Variants in HABP2 observed in about 807,000 individuals in gnomAD.
HABP2 encodes hyaluronan binding protein 2.
Under a neutral mutation model 66.5 loss-of-function variants are expected in HABP2, and 65 were observed. The observed-to-expected ratio is 0.98, with a 90% confidence interval of 0.80 to 1.20. The LOEUF is 1.20. HABP2 is among the 50% of genes most tolerant of loss of function. The pLI is 0.00. For synonymous variants in HABP2, 263 were observed against 253.9 expected (o/e 1.04, Z -0.34); for missense variants, 786 against 691.0 (o/e 1.14, Z -1.54).
chr10:113,552,513 T>C (rs1368554967), upstream of HABP2, among the ~76,000 whole-genome samples: 1 of 152,196 alleles, frequency 6.6e-6, no homozygotes, highest in Non-Finnish European at 1.5e-5. Context: ...GTAAAAGTCT[T>C]ACCTAATGAG....
In HABP2 at chr10:113,580,637, T is replaced by A. The variant is rs1845508415; in HGVS notation, c.783T>A (p.Val261=). The change falls in exon 8 of 13, where the codon GTT becomes GTA. Residue 261 remains valine, a synonymous_variant. Coordinates refer to ENST00000351270, the MANE Select transcript of HABP2 (RefSeq NM_004132.5). ...AAAAGCCCTGGTGCTTTATTAAAGT[T>A]ACCAATGACAAGGTGAAATGGGAAT... ...ADEKPWCFIK[V]TNDKVKWEYC... The A allele has an allele frequency of 1.2e-6, 2 of 1,604,756 alleles. No individual in the cohort carries two copies. The highest frequency in any genetic ancestry group is 8.5e-7 in the Non-Finnish European group (1 of 1,171,652).
chr10:113,582,085 G>A lies in HABP2; in HGVS notation c.1048G>A (p.Ala350Thr), dbSNP rs372640275. The A allele has an allele frequency of 6.2e-5, 100 of 1,611,870 alleles. No individual in the cohort carries two copies. The highest frequency in any genetic ancestry group is 7.8e-5 in the Non-Finnish European group (92 of 1,179,838). ...GCCCCAGGGCCACTTCTGTGGTGGG[G>A]CGCTGATCCACCCCTGCTGGGTGCT... ...SMPQGHFCGGALIHPCWVLTA... is the reference protein window; with the variant it reads ...SMPQGHFCGGTLIHPCWVLTA... The change falls in exon 9 of 13, where the codon GCG (alanine) becomes ACG (threonine). Residue 350 changes from alanine (A) to threonine (T), a missense_variant. By Grantham distance (58) the Ala-to-Thr change is moderately conservative (BLOSUM62 0). Coordinates refer to ENST00000351270, the MANE Select transcript of HABP2 (RefSeq NM_004132.5).
At position 113,585,816 on chromosome 10, in the gene HABP2, G is replaced by C; in HGVS notation, c.1396G>C (p.Asp466His). 1 of 1,613,844 alleles carries C rather than the reference G, an allele frequency of 6.2e-7. No homozygotes were observed. The change falls in exon 12 of 13, where the codon GAT becomes CAT. Residue 466 changes from aspartate (D) to histidine (H), a missense_variant. Physicochemically the swap from Asp to His is moderately conservative, Grantham distance 81. Coordinates refer to ENST00000351270, the MANE Select transcript of HABP2 (RefSeq NM_004132.5). ...ETGKGSRQLL[D>H]AKVKLIANTL... ...AGGAAAAGGGTCCCGCCAGCTCCTG[G>C]ATGCCAAAGTCAAGCTGATTGCCAA... is the stretch of plus-strand genomic sequence containing the variant.
At chr10:113,551,634 C>T (rs1174704031), upstream of HABP2, among the ~76,000 whole-genome samples, 3 of 152,126 alleles carry the variant, frequency 2.0e-5, no homozygotes, top group South Asian at 2.1e-4. Context: ...GGCGAAATGC[C>T]GTCTCTACTA....
At chr10:113,568,412 A>G (rs761856896) in intron 2 of HABP2, among the ~76,000 whole-genome samples, 18 of 152,222 alleles carry the variant, frequency 1.2e-4, no homozygotes, top group African/African-American at 4.3e-4. Context: ...ACTGGGCCAA[A>G]GTCAGTTTGA....
In HABP2 at chr10:113,585,886, A is replaced by G. The variant is rs751519802; in HGVS notation, c.1466A>G (p.Asp489Gly). The change falls in exon 12 of 13, where the codon GAC (aspartate) becomes GGC (glycine). Residue 489 changes from aspartate to glycine, a missense_variant. Physicochemically the swap from Asp to Gly is moderately conservative, Grantham distance 94. Coordinates refer to ENST00000351270, the MANE Select transcript of HABP2 (RefSeq NM_004132.5). ...CAACTCTATGACCACATGATTGATG[A>G]CAGTATGATCTGTGCAGGAAATCTT... is the stretch of plus-strand genomic sequence containing the variant. Reference protein sequence around the residue: ...SRQLYDHMIDDSMICAGNLQK... With the variant: ...SRQLYDHMIDGSMICAGNLQK... 1.5e-5 allele frequency: 25 copies of G among 1,613,730 alleles called. No individual in the cohort carries two copies. Among genetic ancestry groups the G allele is most frequent in the Middle Eastern group, 1.6e-4 (1 of 6,084 alleles).
intron 1 of HABP2, among the ~76,000 whole-genome samples, chr10:113,553,910 A>G (rs1446837561): frequency 6.6e-6 from 1 of 152,104 alleles, no homozygotes; most frequent in Non-Finnish European, 1.5e-5. Flanking sequence ...TGTCAGATGG[A>G]TCTCTGTGGG....
In HABP2 at chr10:113,573,992, T is replaced by A. The variant is rs1535427; in HGVS notation, c.107-297T>A. Among the ~76,000 whole-genome samples the A allele has an allele frequency of 0.67, 101,911 of 151,974 alleles. 35,369 individuals are homozygous for A. The highest frequency in any genetic ancestry group is 0.76 in the Non-Finnish European group (51,429 of 67,962). ...CAAGACTTGATAATACAGTTGGCTT[T>A]CCTAAGTTCAAGGGAGTAGAAAGCT... On this transcript the variant is annotated intron_variant, in intron 2 of 12. Coordinates refer to ENST00000351270, the MANE Select transcript of HABP2 (RefSeq NM_004132.5).
At chr10:113,554,539 G>A (rs1844956254) in intron 1 of HABP2, among the ~76,000 whole-genome samples, 1 of 152,148 alleles carries the variant, frequency 6.6e-6, no homozygotes, top group Admixed American at 6.5e-5. Context: ...TGTGTGTGGT[G>A]GTTGTAATTA....
In HABP2 at chr10:113,589,027, G is replaced by T; in HGVS notation, c.*658G>T. 6.2e-7 allele frequency: 1 copy of T among 1,613,990 alleles called. No homozygotes were observed. Among genetic ancestry groups the T allele is most frequent in the Non-Finnish European group, 8.5e-7 (1 of 1,179,988 alleles). On this transcript the variant is annotated 3_prime_UTR_variant, in exon 13 of 13. Transcript: ENST00000351270. The stretch of plus-strand genomic sequence containing the variant: ...GACGTGCAGAATCTCAGTGGCATCT[G>T]GGTTCACCTCCCCACTCTGATGATC...
At chr10:113,552,686 G>A (rs931205872), upstream of HABP2, among the ~76,000 whole-genome samples, 10 of 152,160 alleles carry the variant, frequency 6.6e-5, no homozygotes, top group Non-Finnish European at 4.4e-5. Flanking sequence ...TTCTGTTTGA[G>A]ATTTGATGAA....
chr10:113,557,687 C>T (rs1271774610), intron 1 of HABP2, among the ~76,000 whole-genome samples: 11 of 152,108 alleles, frequency 7.2e-5, no homozygotes, highest in African/African-American at 2.2e-4. Flanking sequence ...TCGGCTCTTC[C>T]GGCACTCTGA....
intron 3 of HABP2, among the ~76,000 whole-genome samples, chr10:113,575,062 A>G (rs1406287961): frequency 6.6e-6 from 1 of 152,194 alleles, no homozygotes; most frequent in Non-Finnish European, 1.5e-5. Context: ...AAGCAATGCC[A>G]TGTGACTAAA....
intron 2 of HABP2, among the ~76,000 whole-genome samples, chr10:113,574,000 T>C (rs1845360041): frequency 1.3e-5 from 2 of 152,170 alleles, no homozygotes; most frequent in African/African-American, 4.8e-5. Flanking sequence ...TTTCCTAAGT[T>C]CAAGGGAGTA....
chr10:113,559,134 C>T lies in HABP2; in HGVS notation c.69+5944C>T, dbSNP rs778103095. ...CCTCCCAAAGTGCTGGGATTACCGG[C>T]GTGAGCCACCGTGCCCAGCCTTCGC... is the stretch of plus-strand genomic sequence containing the variant. On this transcript the variant is annotated intron_variant, in intron 1 of 12. Coordinates refer to ENST00000351270, the MANE Select transcript of HABP2 (RefSeq NM_004132.5). Among the ~76,000 whole-genome samples, 62 of 152,208 alleles carry T rather than the reference C, an allele frequency of 4.1e-4. 1 individual carries two copies. Among genetic ancestry groups the T allele is most frequent in the Non-Finnish European group, 1.6e-4 (11 of 68,040 alleles).
In HABP2 at chr10:113,577,167, G is replaced by A; in HGVS notation, c.349G>A (p.Asp117Asn). Residue 117 changes from aspartate to asparagine, a missense_variant, in exon 5 of 13, where the codon GAC becomes AAC. By Grantham distance (23) the Asp-to-Asn change is conservative. Transcript: ENST00000351270. ...KCQKVQNTCK[D>N]NPCGRGQCLI... is the part of the protein sequence containing the mutation. ...TCCTACAGTGCAAAATACGTGCAAGGACAACCCATGTGGCCGGGGCCAATG... is the reference window on the plus strand; with the variant it reads ...TCCTACAGTGCAAAATACGTGCAAGAACAACCCATGTGGCCGGGGCCAATG... 1 of 1,608,092 alleles carries A rather than the reference G, an allele frequency of 6.2e-7. No homozygotes were observed.
intron 1 of HABP2, among the ~76,000 whole-genome samples, chr10:113,565,022 A>G (rs1457030259): frequency 1.3e-5 from 2 of 151,280 alleles, no homozygotes; most frequent in Non-Finnish European, 2.9e-5. Flanking sequence ...AATTTTTTGT[A>G]CTTTTAGTGG....
chr10:113,576,948 G>A (rs1393055269), intron 4 of HABP2, among the ~76,000 whole-genome samples: 3 of 152,132 alleles, frequency 2.0e-5, no homozygotes, highest in Non-Finnish European at 1.5e-5. Flanking sequence ...AAGACTATGG[G>A]CATGGGAAGC....
At chr10:113,584,862 G>A (rs1467581933) in intron 11 of HABP2, among the ~76,000 whole-genome samples, 1 of 152,156 alleles carries the variant, frequency 6.6e-6, no homozygotes, top group Non-Finnish European at 1.5e-5. Flanking sequence ...CTGTTGATTT[G>A]TCTTTAGGAT....
Sources: allele counts gnomAD v4.1 joint callset (sites outside exome capture counted in the v4.1 genomes callset), GRCh38; gene constraint gnomAD v4.1.1; transcripts MANE v1.5; gene names NCBI Gene and HGNC (gene_info 2026-07-23, HGNC 2026-07-21).